The following LRRC20 variants were observed in gnomAD, a reference collection of about 807,000 sequenced individuals.
LRRC20 encodes the protein leucine-rich repeat-containing protein 20.
A neutral mutation model predicts 14.4 loss-of-function variants in LRRC20; 11 were observed. The observed-to-expected ratio is 0.77, with a 90% CI of 0.48 to 1.27. The LOEUF (loss-of-function observed/expected upper bound fraction) is 1.27. LRRC20 is among the 50% of genes most tolerant of loss of function. LRRC20 has a pLI of 0.00. For synonymous variants in LRRC20, 121 were observed against 107.3 expected (o/e 1.13, Z -0.79); for missense variants, 219 against 251.2 (o/e 0.87, Z 0.87).
At chr10:70,361,158 G>A (rs1043534854) in intron 2 of LRRC20, among the ~76,000 whole-genome samples, 2 of 152,196 alleles carry the variant, frequency 1.3e-5, no homozygotes, top group Non-Finnish European at 2.9e-5. Context: ...CTGGCTGTGA[G>A]CGTCCACACA....
At chr10:70,369,605 CAAAAAAAA>C (rs71009298) in intron 2 of LRRC20, among the ~76,000 whole-genome samples, 2 of 68,564 alleles carry the variant, frequency 2.9e-5, no homozygotes, top group Admixed American at 2.1e-4. Flanking sequence ...GACGCTGTCT[CAAAAAAAA>C]AAAAAAAAAA....
rs1841145592 is a variant in LRRC20, at chr10:70,300,809, G to A, written c.*545C>T. On this transcript the variant is annotated 3_prime_UTR_variant, in exon 5 of 5. Coordinates refer to ENST00000446961, the MANE Select transcript of LRRC20 (RefSeq NM_001278212.2). ...CTAGTTCAGGTTCCCACCAGTCCAG[G>A]GACCACAGGACTGAAGACTGGGCCC... 2.0e-6 allele frequency: 2 copies of A among 985,696 alleles called. No homozygotes were observed. The highest frequency in any genetic ancestry group is 9.4e-5 in the South Asian group (2 of 21,302). 61.1% of individuals were successfully genotyped at this position (985,696 alleles called of 1,614,324 possible). A position where few individuals can be genotyped will look rare whatever the true frequency, so the allele number is the denominator to read the frequency against.
intron 2 of LRRC20, among the ~76,000 whole-genome samples, chr10:70,357,084 T>C (rs773209032): frequency 2.0e-5 from 3 of 152,322 alleles, no homozygotes; most frequent in Non-Finnish European, 2.9e-5. Flanking sequence ...CATTTTGCTA[T>C]GTGAAGGAAG....
chr10:70,334,568 G>T lies in LRRC20; in HGVS notation c.232+5985C>A, dbSNP rs949686869. Among the ~76,000 whole-genome samples, 5 of 151,788 alleles carry T rather than the reference G, an allele frequency of 3.3e-5. No homozygotes were observed. The South Asian group carries it at 1.0e-3, about 32-fold the overall frequency. ...CACCCCCTTCCCACCCCCAAATACCGCCTAAGACTCCTGACCACACGTGGA... is the reference window on the plus strand; with the variant it reads ...CACCCCCTTCCCACCCCCAAATACCTCCTAAGACTCCTGACCACACGTGGA... On this transcript the variant is annotated intron_variant, in intron 3 of 4. Coordinates refer to ENST00000446961, the MANE Select transcript of LRRC20 (RefSeq NM_001278212.2).
intron 4 of LRRC20, among the ~76,000 whole-genome samples, chr10:70,304,493 TA>T (rs1564607897): frequency 0.012 from 1,676 of 142,588 alleles, 67 homozygotes; most frequent in African/African-American, 0.04. Flanking sequence ...TATATATATA[TA>T]TATATATATA....
At chr10:70,302,823 G>A (rs1015166458) in intron 4 of LRRC20, among the ~76,000 whole-genome samples, 2 of 151,192 alleles carry the variant, frequency 1.3e-5, no homozygotes, top group African/African-American at 4.9e-5. Flanking sequence ...CCATTCTCCT[G>A]CCTCAGCCTC....
chr10:70,340,397 G>A (rs1842869381), intron 3 of LRRC20, among the ~76,000 whole-genome samples, 156 bp downstream of exon 3: 1 of 152,182 alleles, frequency 6.6e-6, no homozygotes, highest in Non-Finnish European at 1.5e-5. Flanking sequence ...CAAGCTGCAG[G>A]GAGAACACAG....
chr10:70,367,422 T>C (rs1178808853), intron 2 of LRRC20, among the ~76,000 whole-genome samples: 1 of 151,994 alleles, frequency 6.6e-6, no homozygotes, highest in Admixed American at 6.6e-5. Context: ...CAGGCTTTGT[T>C]CGTGATGTTA....
intron 1 of LRRC20, among the ~76,000 whole-genome samples, chr10:70,381,059 C>T (rs1021144734): frequency 3.3e-5 from 5 of 152,200 alleles, no homozygotes; most frequent in African/African-American, 1.2e-4. Context: ...GGAACTGCAG[C>T]CCTCTTACAA....
At chr10:70,363,839 A>AC (rs145655483) in intron 2 of LRRC20, among the ~76,000 whole-genome samples, 149,190 of 151,996 alleles carry the variant, frequency 0.98, 73,280 homozygotes, top group Non-Finnish European at 1. Context: ...GCTCCAAGTC[A>AC]ACCCCCAACA....
At chr10:70,380,314 G>A (rs1464120435) in intron 1 of LRRC20, among the ~76,000 whole-genome samples, 3 of 152,156 alleles carry the variant, frequency 2.0e-5, no homozygotes, top group Non-Finnish European at 2.9e-5. Context: ...AAATGTGCTC[G>A]GGACCCCCAA....
intron 4 of LRRC20, among the ~76,000 whole-genome samples, chr10:70,311,406 G>A (rs764072221): frequency 6.6e-6 from 1 of 151,920 alleles, no homozygotes; most frequent in African/African-American, 2.4e-5. Context: ...ATTTTTAGTA[G>A]AGATGGGATT....
intron 4 of LRRC20, among the ~76,000 whole-genome samples, chr10:70,305,181 T>C (rs1841372748): frequency 6.6e-6 from 1 of 152,104 alleles, no homozygotes; most frequent in Admixed American, 6.5e-5. Flanking sequence ...CGAAACTCTA[T>C]CTAAATAAAT....
Position 70,299,518 on chromosome 10 carries a change from G to A in LRRC20, c.*1836C>T, listed in dbSNP as rs1841084635. 6.6e-6 allele frequency: 1 copy of A among 152,318 alleles called. No individual in the cohort carries two copies. The highest frequency in any genetic ancestry group is 2.4e-5 in the African/African-American group (1 of 41,454). The allele number at this position is 152,318 out of a possible 1,614,324, so 9.4% of individuals were successfully genotyped here. Reference sequence around the variant, plus strand: ...AGGTATAGGGTGAGGCCTAGACTCTGCATTCCTAACAAGCTCCCAGGTGTC... The same window carrying A: ...AGGTATAGGGTGAGGCCTAGACTCTACATTCCTAACAAGCTCCCAGGTGTC... On this transcript the variant is annotated 3_prime_UTR_variant, in exon 5 of 5. Transcript: ENST00000446961.
At chr10:70,353,151 C>T (rs1167310644) in intron 2 of LRRC20, among the ~76,000 whole-genome samples, 1 of 152,172 alleles carries the variant, frequency 6.6e-6, no homozygotes, top group African/African-American at 2.4e-5. Flanking sequence ...GGGCTTCAGA[C>T]CTTTTATTCC....
intron 4 of LRRC20, among the ~76,000 whole-genome samples, chr10:70,314,295 G>A (rs993750611): frequency 1.3e-5 from 2 of 152,152 alleles, no homozygotes; most frequent in African/African-American, 2.4e-5. Flanking sequence ...CTCAGTGCAA[G>A]AAGACAGCTT....
In LRRC20 at chr10:70,376,426, T is replaced by C. The variant is rs147318222; in HGVS notation, c.82+26A>G. 2.0e-4 allele frequency: 319 copies of C among 1,612,126 alleles called. 1 individual carries two copies. The African/African-American group carries it at 3.8e-3, about 19-fold the overall frequency. ...GATCTCACAACTGCTTCCAGGGAAG[T>C]TGGGAAAAGCCCTGCCCTCACTCAC... On this transcript the variant is annotated intron_variant, in intron 2 of 4. Transcript: ENST00000446961.
intron 4 of LRRC20, among the ~76,000 whole-genome samples, chr10:70,313,550 C>A (rs527955966): frequency 2.0e-5 from 3 of 152,284 alleles, no homozygotes; most frequent in Non-Finnish European, 4.4e-5. Flanking sequence ...TTGCTTCTAG[C>A]CTCACAAGCT....
chr10:70,345,629 A>C (rs1182611693), intron 2 of LRRC20, among the ~76,000 whole-genome samples: 1 of 152,234 alleles, frequency 6.6e-6, no homozygotes, highest in African/African-American at 2.4e-5. Flanking sequence ...AGGACGTAAG[A>C]TATTTACAAA....
Sources: allele counts gnomAD v4.1 joint callset (sites outside exome capture counted in the v4.1 genomes callset), GRCh38; gene constraint gnomAD v4.1.1; transcripts MANE v1.5; gene names NCBI Gene and HGNC (gene_info 2026-07-23, HGNC 2026-07-21).